TLE3: variants seen among roughly 807,000 people sequenced by gnomAD.
TLE3 encodes the protein transducin-like enhancer protein 3.
A neutral mutation model predicts 93.0 loss-of-function variants in TLE3; 14 were observed. The observed-to-expected ratio is 0.15, with a 90% confidence interval of 0.10 to 0.24. TLE3 has a LOEUF of 0.24. Ranked by LOEUF, TLE3 falls within the 10% of genes least tolerant of loss-of-function variation. The pLI is 1.00. For synonymous variants in TLE3, 451 were observed against 425.0 expected, an observed-to-expected ratio of 1.06 and a Z score of -0.75; for missense variants, 693 against 1,046.6, an observed-to-expected ratio of 0.66 and a Z score of 4.66.
intron 7 of TLE3, 35 bp downstream of exon 7, chr15:70,065,979 G>GGCCCCCCCCCCCCCCAGGCCCCCCCC: frequency 1.8e-6 from 2 of 1,089,102 alleles, no homozygotes; most frequent in Non-Finnish European, 2.8e-6. Context: ...GCCCACCCCT[G>GGCCCCCCCCCCCCCCAGGCCCCCCCC]CCCCGCCCCA....
In TLE3 at chr15:70,058,114, C is replaced by G; in HGVS notation, c.1051+45G>C. ...TGCCCTGGCCAAGAGCAGACCCCCT[C>G]CCCCCAATCAGATTAACCCAGCCCA... On this transcript the variant is annotated intron_variant, in intron 12 of 19. Coordinates refer to ENST00000451782, the MANE Select transcript of TLE3 (RefSeq NM_001105192.3). This position sits in a 1 kb window ranked among gnomAD's most constrained non-coding sequence, Gnocchi z 4.1. 6.2e-7 allele frequency: 1 copy of G among 1,613,156 alleles called. No homozygotes were observed. The highest frequency in any genetic ancestry group is 8.5e-7 in the Non-Finnish European group (1 of 1,179,492).
chr15:70,084,427 G>T (rs1166989852), intron 4 of TLE3, among the ~76,000 whole-genome samples: 1 of 152,222 alleles, frequency 6.6e-6, no homozygotes, highest in East Asian at 1.9e-4. Flanking sequence ...AGCGCCCAGG[G>T]TGGCAATCCC....
chr15:70,071,654 AG>A (rs560524273), intron 6 of TLE3, among the ~76,000 whole-genome samples: 2 of 152,172 alleles, frequency 1.3e-5, no homozygotes, highest in Non-Finnish European at 2.9e-5. Context: ...TGAGGCCTGG[AG>A]GAACAAAGTG....
At chr15:70,084,952 T>C (rs2141959434) in intron 4 of TLE3, among the ~76,000 whole-genome samples, 1 of 152,328 alleles carries the variant, frequency 6.6e-6, no homozygotes, top group South Asian at 2.1e-4. Flanking sequence ...CCTATAACTG[T>C]AACTGTACAA....
At chr15:70,070,792 C>T (rs1295166061) in intron 6 of TLE3, among the ~76,000 whole-genome samples, 1 of 152,216 alleles carries the variant, frequency 6.6e-6, no homozygotes, top group Admixed American at 6.5e-5. Context: ...TTCTCTTGGC[C>T]ATCCTTTCCC....
chr15:70,062,166 A>C (rs1320415712), intron 8 of TLE3, among the ~76,000 whole-genome samples: 3 of 152,234 alleles, frequency 2.0e-5, no homozygotes, highest in Admixed American at 6.5e-5. Flanking sequence ...CTTGAAGAAA[A>C]AATGGAGGTT....
At chr15:70,059,344 C>T in intron 10 of TLE3, 66 bp downstream of exon 10, 2 of 1,542,512 alleles carry the variant, frequency 1.3e-6, no homozygotes, top group South Asian at 1.2e-5. Flanking sequence ...TAGATCCCAC[C>T]CTGGGGAGGA....
At chr15:70,089,488 G>A (rs541136983) in intron 4 of TLE3, among the ~76,000 whole-genome samples, 4 of 152,264 alleles carry the variant, frequency 2.6e-5, no homozygotes, top group South Asian at 4.1e-4. Flanking sequence ...CCTGCAGAGC[G>A]GGCGGCCAGC....
chr15:70,063,852 C>T (rs1567007374), intron 8 of TLE3, among the ~76,000 whole-genome samples: 1 of 152,164 alleles, frequency 6.6e-6, no homozygotes, highest in Non-Finnish European at 1.5e-5. Context: ...TTTCTTAAAT[C>T]GAGTGAAAGC....
chr15:70,064,904 TA>T (rs36022217), intron 7 of TLE3, among the ~76,000 whole-genome samples: 52,042 of 137,926 alleles, frequency 0.38, 9,368 homozygotes, highest in African/African-American at 0.44. Context: ...ACTTTATTGT[TA>T]AAAAAAAAAA....
At chr15:70,066,346 G>A in intron 6 of TLE3, 128 bp from the exon 7 acceptor site, 1 of 792,712 alleles carries the variant, frequency 1.3e-6, no homozygotes. Context: ...GTGGCAGGGG[G>A]AAGCACCCCC....
intron 4 of TLE3, among the ~76,000 whole-genome samples, chr15:70,085,540 T>C (rs139367573): frequency 5.1e-4 from 78 of 152,204 alleles, no homozygotes; most frequent in African/African-American, 1.8e-3. Context: ...AGGGGTCTCT[T>C]GAGAAGTAAG....
intron 4 of TLE3, among the ~76,000 whole-genome samples, chr15:70,086,908 T>A (rs661046): frequency 6.6e-6 from 1 of 151,996 alleles, no homozygotes; most frequent in African/African-American, 2.4e-5. Flanking sequence ...TCCATAGTGT[T>A]AGATGAAAAG....
rs1243418996 is a variant in TLE3, at chr15:70,095,571, A to G, written c.189+7T>C. On this transcript the variant is annotated splice_region_variant and intron_variant, in intron 3 of 19. Transcript: ENST00000451782. ...AACCGCCCCCCAGGCCCGCGGCCGCATCTCACCATCACATAATGGCGCTGC... is the reference window on the plus strand; with the variant it reads ...AACCGCCCCCCAGGCCCGCGGCCGCGTCTCACCATCACATAATGGCGCTGC... 1.9e-6 allele frequency: 3 copies of G among 1,550,718 alleles called. No homozygotes were observed. In the African/African-American group the frequency reaches 4.1e-5, roughly 21 times the overall value.
At position 70,049,715 on chromosome 15, in the gene TLE3, T is replaced by C. The variant is rs552876928; in HGVS notation, c.*382A>G. On this transcript the variant is annotated 3_prime_UTR_variant, in exon 20 of 20. Transcript: ENST00000451782. Reference sequence around the variant, plus strand: ...GACCCCCCCATCCCCCAGCACAACATTGTGGTCCACTCCAGCACCCCCGAC... The same window carrying C: ...GACCCCCCCATCCCCCAGCACAACACTGTGGTCCACTCCAGCACCCCCGAC... 33 of 195,730 alleles carry C rather than the reference T, an allele frequency of 1.7e-4. No individual in the cohort carries two copies. The highest frequency in any genetic ancestry group is 3.4e-4 in the African/African-American group (15 of 43,700). The allele number at this position is 195,730 out of a possible 1,614,324, so 12.1% of individuals were successfully genotyped here.
intron 10 of TLE3, 67 bp downstream of exon 10, chr15:70,059,342 AC>A: frequency 1.3e-6 from 2 of 1,537,190 alleles, no homozygotes; most frequent in South Asian, 2.4e-5. Context: ...AATAGATCCC[AC>A]CCTGGGGAGG....
intron 4 of TLE3, among the ~76,000 whole-genome samples, chr15:70,093,960 G>A (rs2058429451): frequency 6.6e-6 from 1 of 152,134 alleles, no homozygotes; most frequent in Non-Finnish European, 1.5e-5. Context: ...TTCAAATCAA[G>A]ACAGGGATGA....
Position 70,052,383 on chromosome 15 carries a change from C to A in TLE3, c.2116G>T (p.Ala706Ser), listed in dbSNP as rs370776098. The A allele has an allele frequency of 1.1e-5, 17 of 1,613,314 alleles. No homozygotes were observed. In the African/African-American group the frequency reaches 2.3e-4, roughly 22 times the overall value. ...HESCVLSLKF[A>S]YCGKWFVSTG... ...CCCATCCAAGGCTCACCGCAGTAGG[C>A]GAACTTGAGGGAGAGCACGCAGCTC... The change falls in exon 18 of 20, where the codon GCC (alanine) becomes TCC (serine). Residue 706 changes from alanine to serine, a missense_variant. By Grantham distance (99) the Ala-to-Ser change is moderately conservative. Transcript: ENST00000451782.
Position 70,082,142 on chromosome 15 carries a change from A to G in TLE3, c.235-5984T>C, listed in dbSNP as rs548348093. Among the ~76,000 whole-genome samples the G allele has an allele frequency of 3.3e-5, 5 of 151,862 alleles. No individual in the cohort carries two copies. In the South Asian group the frequency reaches 1.0e-3, roughly 31 times the overall value. On this transcript the variant is annotated intron_variant, in intron 4 of 19. Coordinates refer to ENST00000451782, the MANE Select transcript of TLE3 (RefSeq NM_001105192.3). ...GGCGCCAATCACCCAGATTCAGAAT[A>G]CCACGTCTGGGCAATTTTAACTTAA...
Sources: allele counts gnomAD v4.1 joint callset (sites outside exome capture counted in the v4.1 genomes callset), GRCh38; gene constraint gnomAD v4.1.1; non-coding constraint Gnocchi (gnomAD v3.1); transcripts MANE v1.5; gene names NCBI Gene and HGNC (gene_info 2026-07-23, HGNC 2026-07-21).